Variants in MAD1L1 observed in about 807,000 individuals in gnomAD.
MAD1L1 encodes the protein mitotic spindle assembly checkpoint protein MAD1.
MAD1L1 carries 95 observed loss-of-function variants against 96.9 expected under a neutral mutation model. The ratio of observed to expected loss-of-function variants is 0.98; its 90% CI spans 0.83 to 1.16. The LOEUF is 1.16. Ranked by LOEUF, MAD1L1 falls within the 50% of genes most tolerant of loss-of-function variation. The probability of loss-of-function intolerance (pLI) is 0.00; values close to 1 mark genes in which losing one functional copy is unlikely to be tolerated. For missense variants in MAD1L1, 1,007 were observed against 954.4 expected, an observed-to-expected ratio of 1.06 and a Z score of -0.73; for synonymous variants, 473 against 396.6, an observed-to-expected ratio of 1.19 and a Z score of -2.29.
intron 12 of MAD1L1, among the ~76,000 whole-genome samples, chr7:2,033,610 C>G (rs1371024489): frequency 6.6e-6 from 1 of 152,242 alleles, no homozygotes; most frequent in Non-Finnish European, 1.5e-5. Flanking sequence ...AGAAACGTAA[C>G]TGACAAACAC....
intron 10 of MAD1L1, among the ~76,000 whole-genome samples, chr7:2,176,462 G>C (rs564936648): frequency 6.6e-6 from 1 of 152,104 alleles, no homozygotes; most frequent in African/African-American, 2.4e-5. Flanking sequence ...CAGAGGTCCC[G>C]GCCAATGTAA....
chr7:1,833,706 C>A (rs570342131), intron 18 of MAD1L1, among the ~76,000 whole-genome samples: 34 of 152,262 alleles, frequency 2.2e-4, no homozygotes, highest in African/African-American at 6.3e-4. Context: ...TTTGGGAGGC[C>A]GAGGCAGGTG....
Position 2,230,735 on chromosome 7 carries a change from G to C in MAD1L1, c.-189-8C>G, listed in dbSNP as rs1321503143. The C allele has an allele frequency of 6.5e-6, 1 of 153,588 alleles. No individual in the cohort carries two copies. The highest frequency in any genetic ancestry group is 1.4e-5 in the Non-Finnish European group (1 of 68,998). The allele number at this position is 153,588 out of a possible 1,614,324, so 9.5% of individuals were successfully genotyped here. On this transcript the variant is annotated splice_region_variant and splice_polypyrimidine_tract_variant and intron_variant, in intron 1 of 18. Coordinates refer to ENST00000265854, the MANE Select transcript of MAD1L1 (RefSeq NM_001013836.2). ...GGCGAGCTTGGAGTGCTGCTGTTGA[G>C]GAGAGGAGAGGAAGAGTGTATCCCA...
At chr7:2,087,525 G>A (rs1474234346) in intron 11 of MAD1L1, among the ~76,000 whole-genome samples, 1 of 152,176 alleles carries the variant, frequency 6.6e-6, no homozygotes, top group Non-Finnish European at 1.5e-5. Context: ...GGGCAACAGT[G>A]TGAGACTCCG....
At chr7:2,042,488 T>G (rs1215445821) in intron 12 of MAD1L1, among the ~76,000 whole-genome samples, 1 of 152,230 alleles carries the variant, frequency 6.6e-6, no homozygotes, top group Admixed American at 6.5e-5. Flanking sequence ...CAACGTTCAT[T>G]TATTCATTCA....
intron 11 of MAD1L1, among the ~76,000 whole-genome samples, chr7:2,121,322 C>G (rs1399745831): frequency 6.6e-6 from 1 of 152,248 alleles, no homozygotes; most frequent in Non-Finnish European, 1.5e-5. Flanking sequence ...GGCTCTGCAC[C>G]AGGCCCCCAG....
At chr7:1,973,610 G>A (rs1327602278) in intron 15 of MAD1L1, among the ~76,000 whole-genome samples, 1 of 152,064 alleles carries the variant, frequency 6.6e-6, no homozygotes, top group Non-Finnish European at 1.5e-5. Flanking sequence ...CACAGACAGG[G>A]GGGTGCGAGC....
At chr7:1,819,762 A>G (rs1210190582) in intron 18 of MAD1L1, among the ~76,000 whole-genome samples, 2 of 151,928 alleles carry the variant, frequency 1.3e-5, no homozygotes, top group Non-Finnish European at 2.9e-5. Context: ...GCACACCACC[A>G]ACTCTCTCCA....
At chr7:1,944,266 G>T (rs1016209124) in intron 16 of MAD1L1, among the ~76,000 whole-genome samples, 1 of 152,182 alleles carries the variant, frequency 6.6e-6, no homozygotes, top group Non-Finnish European at 1.5e-5. Context: ...TCCTTGAGAG[G>T]GGATCAAAAC....
In MAD1L1 at chr7:1,989,631, T is replaced by TCCAGCCTCAGCGTGGA. The variant is rs1781315357; in HGVS notation, c.1417-9106_1417-9091dup. ...GCGAGCACAGACGTCCCGGCAGCGC[T>TCCAGCCTCAGCGTGGA]CCAGCCTCAGCGTGGACCAGCCCCA... On this transcript the variant is annotated intron_variant, in intron 14 of 18. Coordinates refer to ENST00000265854, the MANE Select transcript of MAD1L1 (RefSeq NM_001013836.2). Among the ~76,000 whole-genome samples, 3 of 152,124 alleles carry TCCAGCCTCAGCGTGGA rather than the reference T, an allele frequency of 2.0e-5. No individual in the cohort carries two copies. The South Asian group carries it at 6.2e-4, about 32-fold the overall frequency.
At chr7:2,219,630 G>C (rs1263595339) in intron 5 of MAD1L1, among the ~76,000 whole-genome samples, 174 bp from the exon 6 acceptor site, 3 of 135,514 alleles carry the variant, frequency 2.2e-5, no homozygotes, top group Non-Finnish European at 5.1e-5. Flanking sequence ...CAGAGGGGTA[G>C]GGGGGCAGAG....
At chr7:2,160,774 C>G (rs1393649648) in intron 10 of MAD1L1, among the ~76,000 whole-genome samples, 2 of 152,040 alleles carry the variant, frequency 1.3e-5, no homozygotes, top group Non-Finnish European at 2.9e-5. Flanking sequence ...ACTACCATGC[C>G]GGGCTAGCCA....
intron 12 of MAD1L1, among the ~76,000 whole-genome samples, chr7:2,024,468 G>A (rs1191545663): frequency 6.6e-6 from 1 of 152,192 alleles, no homozygotes; most frequent in Admixed American, 6.5e-5. Context: ...GAAACAGAAA[G>A]ATCAGCATGT....
intron 13 of MAD1L1, among the ~76,000 whole-genome samples, chr7:2,009,719 G>A (rs1782204901): frequency 6.6e-6 from 1 of 152,200 alleles, no homozygotes; most frequent in African/African-American, 2.4e-5. Flanking sequence ...AAGGCTAGGG[G>A]GTGGACGCCC....
intron 11 of MAD1L1, among the ~76,000 whole-genome samples, chr7:2,091,816 G>A (rs56115522): frequency 0.027 from 4,093 of 151,934 alleles, 95 homozygotes; most frequent in South Asian, 0.088. Context: ...TTGTATGATC[G>A]ATACCTTGTC....
At chr7:1,913,501 C>A (rs961734088) in intron 17 of MAD1L1, among the ~76,000 whole-genome samples, 2 of 151,974 alleles carry the variant, frequency 1.3e-5, no homozygotes, top group Non-Finnish European at 2.9e-5. Context: ...GGAGCTGTAG[C>A]GGCAGCCAGG....
chr7:1,857,889 G>A (rs1302701111), intron 18 of MAD1L1, among the ~76,000 whole-genome samples: 1 of 152,198 alleles, frequency 6.6e-6, no homozygotes, highest in Non-Finnish European at 1.5e-5. Flanking sequence ...GGGGGCCCAG[G>A]GAGGCTCTTG....
chr7:2,116,582 C>T (rs1051617509), intron 11 of MAD1L1, among the ~76,000 whole-genome samples: 1 of 114,774 alleles, frequency 8.7e-6, no homozygotes, highest in African/African-American at 3.0e-5. Flanking sequence ...GGGGGGGGGG[C>T]TCCTGTGTGT....
Position 1,972,497 on chromosome 7 carries a change from G to A in MAD1L1, c.1505+7956C>T, listed in dbSNP as rs578116618. ...GTGGCATAACACCCTCTGCTTAATG[G>A]CTACAGGGCCTGTAGTGATGGCCCC... On this transcript the variant is annotated intron_variant, in intron 15 of 18. Coordinates refer to ENST00000265854, the MANE Select transcript of MAD1L1 (RefSeq NM_001013836.2). Among the ~76,000 whole-genome samples the A allele has an allele frequency of 1.2e-3, 189 of 152,268 alleles. 2 individuals are homozygous for A. In the South Asian group the frequency reaches 0.026, roughly 21 times the overall value.
Sources: gnomAD v4.1 joint callset for allele counts (sites outside exome capture counted in the v4.1 genomes callset) on GRCh38, gnomAD v4.1.1 for gene constraint, MANE v1.5 for transcripts, NCBI Gene and HGNC (gene_info 2026-07-23, HGNC 2026-07-21) for gene names.